ZNF385D: variants seen among roughly 807,000 people sequenced by gnomAD.
ZNF385D encodes zinc finger protein 385D, also known as zinc finger protein 659.
ZNF385D carries 15 observed loss-of-function variants against 35.8 expected under a neutral mutation model. The ratio of observed to expected loss-of-function variants is 0.42; its 90% confidence interval spans 0.28 to 0.64. The LOEUF is 0.64. ZNF385D is among the 30% of genes least tolerant of loss of function. The pLI, the probability that ZNF385D is intolerant of heterozygous loss-of-function variation, is 0.23. For missense variants in ZNF385D, 474 were observed against 494.6 expected (o/e 0.96, Z 0.39); for synonymous variants, 212 against 186.8 (o/e 1.13, Z -1.10).
chr3:22,126,341 G>A (rs6765146), intron 3 of ZNF385D, among the ~76,000 whole-genome samples: 26,388 of 133,288 alleles, frequency 0.2, 2,833 homozygotes, highest in East Asian at 0.42. Context: ...CACTTTTTTG[G>A]TGTAGGCACT....
At chr3:21,468,401 C>CA (rs1175784477) in intron 4 of ZNF385D, among the ~76,000 whole-genome samples, 1,316 of 72,604 alleles carry the variant, frequency 0.018, 78 homozygotes, top group African/African-American at 0.039. Context: ...GACACTGTCT[C>CA]AAAAAAAAAA....
intron 3 of ZNF385D, among the ~76,000 whole-genome samples, chr3:21,907,957 A>G (rs1699764163): frequency 6.6e-6 from 1 of 152,130 alleles, no homozygotes; most frequent in Non-Finnish European, 1.5e-5. Context: ...TAAGCAAACT[A>G]TAGAAATAAA....
At chr3:22,033,817 C>T (rs903064780) in intron 3 of ZNF385D, among the ~76,000 whole-genome samples, 1 of 152,132 alleles carries the variant, frequency 6.6e-6, no homozygotes, top group African/African-American at 2.4e-5. Context: ...TTACTGTTCA[C>T]TTCAGTTACC....
At chr3:22,086,218 G>A (rs936894460) in intron 3 of ZNF385D, among the ~76,000 whole-genome samples, 12 of 152,204 alleles carry the variant, frequency 7.9e-5, no homozygotes, top group African/African-American at 2.7e-4. Flanking sequence ...TCAGGCAAGA[G>A]AAAGAAATAA....
At chr3:22,364,941 C>T (rs117579969) in intron 2 of ZNF385D, among the ~76,000 whole-genome samples, 3 of 152,088 alleles carry the variant, frequency 2.0e-5, no homozygotes, top group East Asian at 1.9e-4. Flanking sequence ...AATTCTGACA[C>T]ATGTTACAAC....
At chr3:21,473,643 C>T (rs563571512) in intron 4 of ZNF385D, among the ~76,000 whole-genome samples, 2 of 152,124 alleles carry the variant, frequency 1.3e-5, no homozygotes, top group South Asian at 2.1e-4. Flanking sequence ...GATTCTAAAC[C>T]CTGTTGTTCA....
chr3:22,192,424 G>C (rs888168736), intron 2 of ZNF385D, among the ~76,000 whole-genome samples: 9 of 152,044 alleles, frequency 5.9e-5, no homozygotes, highest in Non-Finnish European at 1.0e-4. Context: ...ATAATAAACA[G>C]GGCTAACATA....
chr3:21,791,155 T>A (rs2071911205), intron 3 of ZNF385D, among the ~76,000 whole-genome samples: 1 of 152,336 alleles, frequency 6.6e-6, no homozygotes. Context: ...TTATAAGCTT[T>A]ATTGCATGTT....
intron 3 of ZNF385D, among the ~76,000 whole-genome samples, chr3:21,532,778 A>G (rs2061954939): frequency 6.6e-6 from 1 of 151,904 alleles, no homozygotes; most frequent in African/African-American, 2.4e-5. Context: ...TATAGAGTTC[A>G]TTCAGCACTT....
At chr3:22,209,036 G>A (rs1275542648) in intron 2 of ZNF385D, among the ~76,000 whole-genome samples, 3 of 151,770 alleles carry the variant, frequency 2.0e-5, no homozygotes, top group Non-Finnish European at 4.4e-5. Flanking sequence ...TCTTTGATAT[G>A]GCCACCTGGA....
intron 1 of ZNF385D, among the ~76,000 whole-genome samples, chr3:21,715,011 G>A (rs1034838523): frequency 5.3e-5 from 8 of 152,092 alleles, no homozygotes; most frequent in Non-Finnish European, 1.2e-4. Flanking sequence ...TATAATACAG[G>A]ATTATTAATT....
chr3:21,778,032 G>A (rs2071355821), intron 3 of ZNF385D, among the ~76,000 whole-genome samples: 1 of 151,894 alleles, frequency 6.6e-6, no homozygotes, highest in South Asian at 2.1e-4. Flanking sequence ...AGTAACTGCT[G>A]TTTTAAGTTA....
At chr3:22,270,681 A>C (rs974825043) in intron 2 of ZNF385D, among the ~76,000 whole-genome samples, 1 of 152,016 alleles carries the variant, frequency 6.6e-6, no homozygotes, top group Non-Finnish European at 1.5e-5. Flanking sequence ...TGCTTTCCTT[A>C]CAGTAATAAC....
chr3:22,308,186 C>T (rs984905770), intron 2 of ZNF385D, among the ~76,000 whole-genome samples: 5 of 151,838 alleles, frequency 3.3e-5, no homozygotes, highest in African/African-American at 9.7e-5. Flanking sequence ...ACTAAAAATG[C>T]TGAAACAATT....
chr3:22,280,852 G>A (rs1451417774), intron 2 of ZNF385D, among the ~76,000 whole-genome samples: 1 of 151,806 alleles, frequency 6.6e-6, no homozygotes, highest in Non-Finnish European at 1.5e-5. Context: ...GATTGCTTTT[G>A]GCATTATGGT....
At chr3:21,690,414 T>C (rs906740280) in intron 1 of ZNF385D, among the ~76,000 whole-genome samples, 1 of 152,174 alleles carries the variant, frequency 6.6e-6, no homozygotes, top group Non-Finnish European at 1.5e-5. Context: ...CACACCAAAG[T>C]CTGAACTTTG....
At chr3:21,995,700 C>G (rs1695421124) in intron 3 of ZNF385D, among the ~76,000 whole-genome samples, 1 of 151,726 alleles carries the variant, frequency 6.6e-6, no homozygotes, top group African/African-American at 2.4e-5. Context: ...CAGTGGTAGG[C>G]AGGAGTGGCT....
intron 2 of ZNF385D, among the ~76,000 whole-genome samples, chr3:22,195,825 T>C: frequency 6.6e-6 from 1 of 151,984 alleles, no homozygotes; most frequent in Non-Finnish European, 1.5e-5. Flanking sequence ...ATATACACCA[T>C]GAAATATTAT....
chr3:22,256,816 T>G (rs1293781733), intron 2 of ZNF385D, among the ~76,000 whole-genome samples: 1 of 151,898 alleles, frequency 6.6e-6, no homozygotes, highest in Admixed American at 6.6e-5. Context: ...TGTAATGAAC[T>G]AAAACTCTCT....
Sources: gnomAD v4.1 joint callset for allele counts (sites outside exome capture counted in the v4.1 genomes callset) on GRCh38, gnomAD v4.1.1 for gene constraint, MANE v1.5 for transcripts, NCBI Gene and HGNC (gene_info 2026-07-23, HGNC 2026-07-21) for gene names.